The following SUPT3H variants were observed in gnomAD, a reference collection of about 807,000 sequenced individuals.
The protein encoded by SUPT3H is SPT3 homolog, SAGA and STAGA complex component, also known as transcription initiation protein SPT3 homolog.
A neutral mutation model predicts 44.3 loss-of-function variants in SUPT3H; 44 were observed. The ratio of observed to expected loss-of-function variants is 0.99; its 90% CI spans 0.78 to 1.28. SUPT3H has a LOEUF of 1.28. SUPT3H is among the 50% of genes most tolerant of loss of function. The pLI is 0.00. For synonymous variants in SUPT3H, 124 were observed against 125.6 expected, an observed-to-expected ratio of 0.99 and a Z score of 0.09; for missense variants, 380 against 387.1, an observed-to-expected ratio of 0.98 and a Z score of 0.15.
intron 2 of SUPT3H, among the ~76,000 whole-genome samples, chr6:45,232,391 T>A (rs1768223927): frequency 2.0e-5 from 3 of 152,216 alleles, no homozygotes; most frequent in Admixed American, 6.5e-5. Context: ...GGTAATGTTT[T>A]GTTGAAGACA....
chr6:45,163,278 T>C (rs1809335174), intron 2 of SUPT3H, among the ~76,000 whole-genome samples: 1 of 152,152 alleles, frequency 6.6e-6, no homozygotes, highest in African/African-American at 2.4e-5. Context: ...GCTAATTGCA[T>C]TGTTAATTGT....
chr6:45,046,585 C>T (rs1011770013), intron 3 of SUPT3H, among the ~76,000 whole-genome samples: 20 of 152,206 alleles, frequency 1.3e-4, no homozygotes, highest in Non-Finnish European at 1.8e-4. Context: ...CCCACCTCGG[C>T]CTCCTAAAGT....
intron 9 of SUPT3H, among the ~76,000 whole-genome samples, chr6:44,941,089 G>C (rs1772345555): frequency 6.6e-6 from 1 of 151,936 alleles, no homozygotes; most frequent in Non-Finnish European, 1.5e-5. Context: ...GTGAGGTTTT[G>C]CTCCTGTGAT....
intron 2 of SUPT3H, among the ~76,000 whole-genome samples, chr6:45,108,601 C>T (rs1799621328): frequency 6.6e-6 from 1 of 152,152 alleles, no homozygotes; most frequent in Non-Finnish European, 1.5e-5. Flanking sequence ...ATAATCATTT[C>T]AACAGATGTA....
At chr6:45,232,572 T>C (rs1017250820) in intron 2 of SUPT3H, among the ~76,000 whole-genome samples, 1 of 151,954 alleles carries the variant, frequency 6.6e-6, no homozygotes, top group African/African-American at 2.4e-5. Flanking sequence ...GTGGAATCAG[T>C]GGATTGAGCA....
intron 2 of SUPT3H, among the ~76,000 whole-genome samples, chr6:45,253,370 C>G (rs1052997994): frequency 2.0e-5 from 3 of 152,142 alleles, no homozygotes; most frequent in Non-Finnish European, 4.4e-5. Flanking sequence ...TGATAACTAT[C>G]TAATTATCAA....
intron 10 of SUPT3H, among the ~76,000 whole-genome samples, chr6:44,870,490 T>G (rs1398872801): frequency 6.6e-6 from 1 of 151,292 alleles, no homozygotes. Flanking sequence ...TCCCAGCTAC[T>G]TGGGAGGCTG....
At chr6:45,016,044 C>T (rs1784214065) in intron 4 of SUPT3H, among the ~76,000 whole-genome samples, 1 of 152,066 alleles carries the variant, frequency 6.6e-6, no homozygotes, top group African/African-American at 2.4e-5. Context: ...ATTATAAATA[C>T]ATAAACAAGT....
chr6:45,123,889 G>GT (rs1802032177), intron 2 of SUPT3H, among the ~76,000 whole-genome samples: 1 of 152,186 alleles, frequency 6.6e-6, no homozygotes, highest in Admixed American at 6.5e-5. Context: ...TTCATCTCAT[G>GT]TAAGTGCTAC....
chr6:45,079,552 T>C (rs559988638), intron 3 of SUPT3H, among the ~76,000 whole-genome samples: 4 of 152,090 alleles, frequency 2.6e-5, no homozygotes, highest in Admixed American at 6.5e-5. Flanking sequence ...TCAAATAATA[T>C]TACTGGGCTA....
chr6:45,091,722 A>C (rs1343969547), intron 3 of SUPT3H, among the ~76,000 whole-genome samples: 1 of 152,142 alleles, frequency 6.6e-6, no homozygotes, highest in Non-Finnish European at 1.5e-5. Context: ...AAACACAGAA[A>C]GTTTTAAAAA....
At position 44,888,975 on chromosome 6, in the gene SUPT3H, G is replaced by A. The variant is rs1436082988; in HGVS notation, c.912+43678C>T. ...CAAGCATTCTTATACACCAACAACA[G>A]ACAAACAGAGAGCCAAATCATGAGT... On this transcript the variant is annotated intron_variant, in intron 10 of 10. Coordinates refer to ENST00000371459, the MANE Select transcript of SUPT3H (RefSeq NM_003599.4). 5.5e-5 allele frequency among the ~76,000 whole-genome samples: 6 copies of A among 108,858 alleles called. No homozygotes were observed. The East Asian group carries it at 1.6e-3, about 28-fold the overall frequency. 71.4% of individuals were successfully genotyped at this position (108,858 alleles called of 152,430 possible).
At chr6:45,363,554 G>A (rs1437246134) in intron 2 of SUPT3H, among the ~76,000 whole-genome samples, 1 of 151,948 alleles carries the variant, frequency 6.6e-6, no homozygotes, top group Admixed American at 6.6e-5. Context: ...CAGCTCTACA[G>A]AAAATGAATT....
chr6:45,370,346 T>C (rs1795850378), intron 1 of SUPT3H, among the ~76,000 whole-genome samples: 1 of 152,104 alleles, frequency 6.6e-6, no homozygotes, highest in African/African-American at 2.4e-5. Context: ...TAGAAACTGG[T>C]TGAATGGTGG....
Position 45,321,850 on chromosome 6 carries a change from G to A in SUPT3H, c.101+43351C>T, listed in dbSNP as rs149356660. The A allele has an allele frequency of 2.7e-4, 426 of 1,599,304 alleles. No homozygotes were observed. In the African/African-American group the frequency reaches 5.1e-3, roughly 19 times the overall value. ...ATTGTGATAACAATAGGGAAAAACT[G>A]ATTTTCCAATTATTTCTATAGAATC... is the stretch of plus-strand genomic sequence containing the variant. On this transcript the variant is annotated intron_variant, in intron 2 of 10. Coordinates refer to ENST00000371459, the MANE Select transcript of SUPT3H (RefSeq NM_003599.4).
chr6:45,214,888 G>C (rs933379950), intron 2 of SUPT3H, among the ~76,000 whole-genome samples: 4 of 152,068 alleles, frequency 2.6e-5, no homozygotes, highest in Non-Finnish European at 4.4e-5. Flanking sequence ...TCACGACCGA[G>C]AGTCGGCACT....
chr6:44,973,689 C>G (rs751540565), intron 6 of SUPT3H, among the ~76,000 whole-genome samples: 10 of 152,090 alleles, frequency 6.6e-5, no homozygotes, highest in Non-Finnish European at 1.2e-4. Context: ...TAAAGACATA[C>G]CAGAGATTGG....
At chr6:45,325,909 A>AAATTTT (rs1345120641) in intron 2 of SUPT3H, among the ~76,000 whole-genome samples, 1 of 151,832 alleles carries the variant, frequency 6.6e-6, no homozygotes, top group East Asian at 1.9e-4. Flanking sequence ...AAAAAAATTC[A>AAATTTT]TGTGGATAAT....
In SUPT3H at chr6:44,962,267, G is replaced by T. The variant is rs555259991; in HGVS notation, c.505-439C>A. ...CTTTCAGTCAGAATCTGGGGCCACA[G>T]TTGACAAATCCATATTTTAGATTGC... On this transcript the variant is annotated intron_variant, in intron 6 of 10. Transcript: ENST00000371459. Among the ~76,000 whole-genome samples the T allele has an allele frequency of 2.0e-5, 3 of 152,302 alleles. No homozygotes were observed. The South Asian group carries it at 6.2e-4, about 32-fold the overall frequency.
Sources: allele counts gnomAD v4.1 joint callset (sites outside exome capture counted in the v4.1 genomes callset), GRCh38; gene constraint gnomAD v4.1.1; transcripts MANE v1.5; gene names NCBI Gene and HGNC (gene_info 2026-07-23, HGNC 2026-07-21).